SHTN1: variants seen among roughly 807,000 people sequenced by gnomAD.
SHTN1 encodes shootin 1, also known as shootin-1.
Under a neutral mutation model 83.1 loss-of-function variants are expected in SHTN1, and 42 were observed. The observed-to-expected ratio is 0.51, with a 90% CI of 0.39 to 0.65. The LOEUF (loss-of-function observed/expected upper bound fraction) is 0.65. Ranked by LOEUF, SHTN1 falls within the 30% of genes least tolerant of loss-of-function variation. SHTN1 has a pLI of 0.00. For synonymous variants in SHTN1, 224 were observed against 247.7 expected, an observed-to-expected ratio of 0.90 and a Z score of 0.90; for missense variants, 622 against 737.8, an observed-to-expected ratio of 0.84 and a Z score of 1.82.
At chr10:116,920,647 G>C (rs953690629) in intron 12 of SHTN1, among the ~76,000 whole-genome samples, 2 of 151,972 alleles carry the variant, frequency 1.3e-5, no homozygotes, top group African/African-American at 4.8e-5. Context: ...TTATACCTCT[G>C]CTTAAAATTT....
At chr10:116,919,390 A>G (rs1359390436) in intron 12 of SHTN1, among the ~76,000 whole-genome samples, 3 of 152,218 alleles carry the variant, frequency 2.0e-5, no homozygotes, top group African/African-American at 7.2e-5. Context: ...AGCAACTTCT[A>G]TATTGGTAAC....
intron 3 of SHTN1, among the ~76,000 whole-genome samples, chr10:116,962,447 A>G (rs1589847035): frequency 6.6e-6 from 1 of 152,252 alleles, no homozygotes; most frequent in South Asian, 2.1e-4. Flanking sequence ...ATTACTTTGA[A>G]TTTTTAGCCT....
At chr10:116,894,420 T>C (rs1231354224) in intron 16 of SHTN1, among the ~76,000 whole-genome samples, 1 of 152,204 alleles carries the variant, frequency 6.6e-6, no homozygotes, top group African/African-American at 2.4e-5. Flanking sequence ...GCAAACTGCC[T>C]GTCTGGCAGT....
intron 1 of SHTN1, among the ~76,000 whole-genome samples, chr10:117,087,688 A>T (rs1490069142): frequency 6.6e-6 from 1 of 152,252 alleles, no homozygotes; most frequent in Non-Finnish European, 1.5e-5. Context: ...AAACATAATG[A>T]TTAATACAAT....
intron 1 of SHTN1, among the ~76,000 whole-genome samples, chr10:117,101,664 A>G (rs1853596522): frequency 1.3e-5 from 2 of 152,234 alleles, no homozygotes; most frequent in Non-Finnish European, 2.9e-5. Flanking sequence ...AGAAAACTAC[A>G]GAAAGACATA....
chr10:116,972,287 C>G (rs188322961), intron 2 of SHTN1, among the ~76,000 whole-genome samples: 16 of 152,276 alleles, frequency 1.1e-4, no homozygotes, highest in Admixed American at 1.0e-3. Flanking sequence ...TTTCTATTTT[C>G]TGCAACCACA....
At chr10:117,007,283 C>G (rs567513482), upstream of SHTN1, among the ~76,000 whole-genome samples, 1 of 151,892 alleles carries the variant, frequency 6.6e-6, no homozygotes, top group East Asian at 1.9e-4. Context: ...CAAATACAAG[C>G]AGAGTGCCCA....
chr10:117,069,728 G>T (rs1457015300), intron 1 of SHTN1, among the ~76,000 whole-genome samples: 2 of 152,128 alleles, frequency 1.3e-5, no homozygotes, highest in African/African-American at 4.8e-5. Context: ...GTGTAGAGGA[G>T]AAGAGAGATC....
chr10:117,090,136 T>TA (rs901270041), intron 1 of SHTN1, among the ~76,000 whole-genome samples: 1 of 152,188 alleles, frequency 6.6e-6, no homozygotes, highest in African/African-American at 2.4e-5. Flanking sequence ...GCACTGTTAC[T>TA]AACAGCCAAA....
At chr10:117,120,540 G>A (rs887737538) in intron 1 of SHTN1, among the ~76,000 whole-genome samples, 9 of 152,216 alleles carry the variant, frequency 5.9e-5, no homozygotes, top group South Asian at 4.1e-4. Flanking sequence ...AAGCCACAGC[G>A]CCTGGCCCCA....
At chr10:116,976,691 A>G (rs1456585341) in intron 2 of SHTN1, among the ~76,000 whole-genome samples, 1 of 151,872 alleles carries the variant, frequency 6.6e-6, no homozygotes, top group Non-Finnish European at 1.5e-5. Context: ...CTCATTCTAC[A>G]CTCTATAAAA....
chr10:117,032,758 G>A (rs1301917431), intron 2 of SHTN1, among the ~76,000 whole-genome samples: 1 of 152,032 alleles, frequency 6.6e-6, no homozygotes, highest in Non-Finnish European at 1.5e-5. Context: ...TCAGCACATG[G>A]ATCATTCTCA....
chr10:116,906,100 C>G (rs1473123707), intron 15 of SHTN1, among the ~76,000 whole-genome samples: 2 of 152,270 alleles, frequency 1.3e-5, no homozygotes, highest in Admixed American at 1.3e-4. Flanking sequence ...TCTACTGCAA[C>G]TACTAAATGA....
rs895119415 is a variant in SHTN1 at position 116,885,347 on chromosome 10, C to G, written c.*997G>C. On this transcript the variant is annotated 3_prime_UTR_variant, in exon 17 of 17. Transcript: ENST00000355371. Reference sequence around the variant, plus strand: ...TTTTGAAACAATCAACTTTGAAAAGCTGCATAAGTTTTTTTTTTAATCCCT... The same window carrying G: ...TTTTGAAACAATCAACTTTGAAAAGGTGCATAAGTTTTTTTTTTAATCCCT... 4 of 152,414 alleles carry G rather than the reference C, an allele frequency of 2.6e-5. No individual in the cohort carries two copies. Among genetic ancestry groups the G allele is most frequent in the African/African-American group, 9.7e-5 (4 of 41,364 alleles). 9.4% of individuals were successfully genotyped at this position (152,414 alleles called of 1,614,324 possible).
chr10:116,939,065 C>T lies in SHTN1; in HGVS notation c.858+1401G>A, dbSNP rs529475805. On this transcript the variant is annotated intron_variant, in intron 9 of 16. Coordinates refer to ENST00000355371, the MANE Select transcript of SHTN1 (RefSeq NM_001127211.3). Reference sequence around the variant, plus strand: ...TGACCTCAGACTGCTGTGCTGGCAGCGACAATTTCAAGCCAGTGGATCTTG... The same window carrying T: ...TGACCTCAGACTGCTGTGCTGGCAGTGACAATTTCAAGCCAGTGGATCTTG... Among the ~76,000 whole-genome samples the T allele has an allele frequency of 3.3e-5, 5 of 152,290 alleles. 1 individual carries two copies. In the South Asian group the frequency reaches 6.2e-4, roughly 19 times the overall value.
intron 1 of SHTN1, among the ~76,000 whole-genome samples, chr10:117,002,985 A>C (rs1244118542): frequency 6.6e-6 from 1 of 152,206 alleles, no homozygotes; most frequent in Admixed American, 6.5e-5. Context: ...CCTTTTTGTC[A>C]GGCCTCAAAC....
At chr10:117,037,247 G>C (rs766276344) in intron 2 of SHTN1, among the ~76,000 whole-genome samples, 59 of 152,048 alleles carry the variant, frequency 3.9e-4, no homozygotes, top group Non-Finnish European at 7.1e-4. Flanking sequence ...GGTCCAGCCT[G>C]GGCAACATAG....
chr10:116,994,489 T>C (rs938767048), intron 1 of SHTN1, among the ~76,000 whole-genome samples: 4 of 152,090 alleles, frequency 2.6e-5, no homozygotes, highest in Admixed American at 1.3e-4. Context: ...TGTTCACCTT[T>C]TTAGTCAACT....
intron 1 of SHTN1, among the ~76,000 whole-genome samples, chr10:117,113,821 G>A (rs1458298286): frequency 6.6e-6 from 1 of 152,182 alleles, no homozygotes; most frequent in Non-Finnish European, 1.5e-5. Flanking sequence ...TGAGGCAGGT[G>A]GATCATCTGA....
Sources: allele counts gnomAD v4.1 joint callset (sites outside exome capture counted in the v4.1 genomes callset), GRCh38; gene constraint gnomAD v4.1.1; transcripts MANE v1.5; gene names NCBI Gene and HGNC (gene_info 2026-07-23, HGNC 2026-07-21).